Variants in BCAS3 observed in about 807,000 individuals in gnomAD.
BCAS3 encodes the protein BCAS4/BCAS3 fusion.
A neutral mutation model predicts 116.1 loss-of-function variants in BCAS3; 53 were observed. The ratio of observed to expected loss-of-function variants is 0.46; its 90% CI spans 0.37 to 0.57. The LOEUF is 0.57. BCAS3 is among the 20% of genes least tolerant of loss of function. BCAS3 has a pLI of 0.00. For missense variants in BCAS3, 917 were observed against 1,165.4 expected (o/e 0.79, Z 3.10); for synonymous variants, 391 against 408.2 (o/e 0.96, Z 0.51).
intron 17 of BCAS3, among the ~76,000 whole-genome samples, chr17:61,036,889 CTGTGT>C (rs2067078773): frequency 6.6e-6 from 1 of 152,108 alleles, no homozygotes; most frequent in East Asian, 1.9e-4. Context: ...ACATGCATGC[CTGTGT>C]ATGTGTGTTG....
At chr17:60,787,728 G>T in intron 6 of BCAS3, among the ~76,000 whole-genome samples, 1 of 152,076 alleles carries the variant, frequency 6.6e-6, no homozygotes, top group East Asian at 1.9e-4. Context: ...GTATACAAGT[G>T]GACTATGCAG....
At chr17:60,895,253 G>A (rs1253986536) in intron 10 of BCAS3, among the ~76,000 whole-genome samples, 9 of 152,116 alleles carry the variant, frequency 5.9e-5, no homozygotes, top group Non-Finnish European at 1.3e-4. Context: ...GGTCTGCTCA[G>A]ATTTCTGTTT....
chr17:60,967,429 C>T lies in BCAS3; in HGVS notation c.1221+20077C>T, dbSNP rs1418704485. ...TCTGTTGCCAGACAAATTGGAGATACAGTGTTTGCTTCTTTTCTCGTGCTG... is the reference window on the plus strand; with the variant it reads ...TCTGTTGCCAGACAAATTGGAGATATAGTGTTTGCTTCTTTTCTCGTGCTG... On this transcript the variant is annotated intron_variant, in intron 14 of 23. Coordinates refer to ENST00000407086, the MANE Select transcript of BCAS3 (RefSeq NM_017679.5). The surrounding 1 kb of genome is among the most constrained non-coding windows in gnomAD (Gnocchi z 4.7). 6.6e-6 allele frequency among the ~76,000 whole-genome samples: 1 copy of T among 152,154 alleles called. No homozygotes were observed. Among genetic ancestry groups the T allele is most frequent in the Non-Finnish European group, 1.5e-5 (1 of 68,020 alleles).
At position 61,325,978 on chromosome 17, in the gene BCAS3, A is replaced by G. The variant is rs2055698089; in HGVS notation, c.2426-42349A>G. Among the ~76,000 whole-genome samples the G allele has an allele frequency of 6.6e-6, 1 of 152,228 alleles. No individual in the cohort carries two copies. The highest frequency in any genetic ancestry group is 2.4e-5 in the African/African-American group (1 of 41,466). ...ACAGAGTGAAAAATCGTGTTGTCAT[A>G]CATTACTAAGCACCCACCATTCATT... On this transcript the variant is annotated intron_variant, in intron 22 of 23. Coordinates refer to ENST00000407086, the MANE Select transcript of BCAS3 (RefSeq NM_017679.5). The surrounding 1 kb of genome is among the most constrained non-coding windows in gnomAD (Gnocchi z 6.4).
intron 22 of BCAS3, among the ~76,000 whole-genome samples, chr17:61,185,624 T>C (rs2079723717): frequency 6.6e-6 from 1 of 152,134 alleles, no homozygotes; most frequent in Admixed American, 6.5e-5. Context: ...TTTAATTGAA[T>C]TAAGATGGAC....
chr17:61,317,226 C>T (rs1015550976), intron 22 of BCAS3, among the ~76,000 whole-genome samples: 108 of 152,298 alleles, frequency 7.1e-4, no homozygotes, highest in Non-Finnish European at 5.9e-5. Flanking sequence ...TCCTGCTCCA[C>T]GTCTTCTTGC....
chr17:61,104,676 C>G lies in BCAS3; in HGVS notation c.2425+20112C>G, dbSNP rs2074533072. On this transcript the variant is annotated intron_variant, in intron 22 of 23. Transcript: ENST00000407086. The surrounding 1 kb of genome is among the most constrained non-coding windows in gnomAD (Gnocchi z 4.1). The stretch of plus-strand genomic sequence containing the variant: ...GATCCTCTGCGTTACCCCATCAATT[C>G]TGCTTCATTAAAGGACTTTAGATGA... Among the ~76,000 whole-genome samples, 1 of 152,140 alleles carries G rather than the reference C, an allele frequency of 6.6e-6. No homozygotes were observed. The highest frequency in any genetic ancestry group is 1.5e-5 in the Non-Finnish European group (1 of 68,036).
intron 10 of BCAS3, among the ~76,000 whole-genome samples, chr17:60,894,156 T>C (rs1599500454): frequency 6.6e-6 from 1 of 152,158 alleles, no homozygotes; most frequent in South Asian, 2.1e-4. Flanking sequence ...GCTGAATCTA[T>C]AGATTTCTCT....
chr17:61,221,481 A>G (rs1300071597), intron 22 of BCAS3, among the ~76,000 whole-genome samples: 2 of 152,246 alleles, frequency 1.3e-5, no homozygotes, highest in Non-Finnish European at 2.9e-5. Flanking sequence ...TCTTGTCACC[A>G]GCAGAGGCAT....
chr17:60,726,600 C>T (rs1460995519), intron 5 of BCAS3, among the ~76,000 whole-genome samples: 2 of 151,264 alleles, frequency 1.3e-5, no homozygotes, highest in African/African-American at 4.9e-5. Context: ...AGCTCCGCCT[C>T]GCAGGTTCAC....
chr17:60,906,130 A>G (rs1734346882), intron 11 of BCAS3, among the ~76,000 whole-genome samples: 1 of 152,180 alleles, frequency 6.6e-6, no homozygotes, highest in African/African-American at 2.4e-5. Flanking sequence ...GCTTTTTGTT[A>G]GAAAAGAAAT....
intron 4 of BCAS3, among the ~76,000 whole-genome samples, chr17:60,691,406 C>CCT (rs138400928): frequency 4.1e-4 from 61 of 148,520 alleles, no homozygotes; most frequent in Middle Eastern, 3.5e-3. Flanking sequence ...TTGTTAGTTT[C>CCT]CTCTCTCTCT....
At position 60,770,849 on chromosome 17, in the gene BCAS3, T is replaced by G. The variant is rs1249936268; in HGVS notation, c.403+23570T>G. ...ACTGAAATTTGTTTTTTTTTTTTTTTTTTTTTTTTTTTTTTTGAGACAGGG... is the reference window on the plus strand; with the variant it reads ...ACTGAAATTTGTTTTTTTTTTTTTTGTTTTTTTTTTTTTTTTGAGACAGGG... On this transcript the variant is annotated intron_variant, in intron 6 of 23. Transcript: ENST00000407086. 3.2e-4 allele frequency among the ~76,000 whole-genome samples: 43 copies of G among 132,310 alleles called. 1 individual carries two copies. Among genetic ancestry groups the G allele is most frequent in the African/African-American group, 7.5e-4 (29 of 38,510 alleles). 86.8% of individuals were successfully genotyped at this position (132,310 alleles called of 152,430 possible).
intron 23 of BCAS3, among the ~76,000 whole-genome samples, chr17:61,386,521 C>T (rs2059859027): frequency 6.6e-6 from 1 of 152,234 alleles, no homozygotes; most frequent in African/African-American, 2.4e-5. Flanking sequence ...TGTACAGAGC[C>T]GTGGACGCTG....
At chr17:60,714,763 A>G (rs2038359962) in intron 5 of BCAS3, among the ~76,000 whole-genome samples, 2 of 152,106 alleles carry the variant, frequency 1.3e-5, no homozygotes, top group African/African-American at 4.8e-5. Context: ...TGGAACTTAG[A>G]TGATGTCTAG....
chr17:60,854,714 T>C (rs193274383), intron 7 of BCAS3, among the ~76,000 whole-genome samples: 2 of 152,224 alleles, frequency 1.3e-5, no homozygotes, highest in Admixed American at 1.3e-4. Context: ...GGAGAGGATG[T>C]GGAGAAATAG....
chr17:61,044,997 T>A lies in BCAS3; in HGVS notation c.2029+4105T>A, dbSNP rs116188747. Reference sequence around the variant, plus strand: ...AGACGGTCTTGATCTCCTGACCTTGTGATCCACCCCGTCTCTGCCTCCCAA... The same window carrying A: ...AGACGGTCTTGATCTCCTGACCTTGAGATCCACCCCGTCTCTGCCTCCCAA... On this transcript the variant is annotated intron_variant, in intron 19 of 23. Coordinates refer to ENST00000407086, the MANE Select transcript of BCAS3 (RefSeq NM_017679.5). 2.1e-3 allele frequency among the ~76,000 whole-genome samples: 313 copies of A among 152,020 alleles called. 2 individuals carry two copies. The highest frequency in any genetic ancestry group is 7.1e-3 in the African/African-American group (294 of 41,498).
intron 22 of BCAS3, among the ~76,000 whole-genome samples, chr17:61,197,093 C>T (rs1485283767): frequency 2.0e-5 from 3 of 152,158 alleles, no homozygotes; most frequent in African/African-American, 7.2e-5. Flanking sequence ...CCTGGGTTCA[C>T]CTTAAGGTTG....
In BCAS3 at chr17:61,391,795, G is replaced by A. The variant is rs546172585; in HGVS notation, c.2594-182G>A. On this transcript the variant is annotated intron_variant, in intron 23 of 23. Coordinates refer to ENST00000407086, the MANE Select transcript of BCAS3 (RefSeq NM_017679.5). This position sits in a 1 kb window ranked among gnomAD's most constrained non-coding sequence, Gnocchi z 7.7. ...CCAGCCAGGGGGCTTTCCCTCCCCTGGCTGAGCCTTCCTGTGACCTGAGCT... is the reference window on the plus strand; with the variant it reads ...CCAGCCAGGGGGCTTTCCCTCCCCTAGCTGAGCCTTCCTGTGACCTGAGCT... 1 of 655,128 alleles carries A rather than the reference G, an allele frequency of 1.5e-6. No homozygotes were observed. The highest frequency in any genetic ancestry group is 2.7e-5 in the East Asian group (1 of 37,248). The allele number at this position is 655,128 out of a possible 1,614,324, so 40.6% of individuals were successfully genotyped here.
Sources: gnomAD v4.1 joint callset for allele counts (sites outside exome capture counted in the v4.1 genomes callset) on GRCh38, gnomAD v4.1.1 for gene constraint, Gnocchi (gnomAD v3.1) non-coding constraint, MANE v1.5 for transcripts, NCBI Gene and HGNC (gene_info 2026-07-23, HGNC 2026-07-21) for gene names.